The following PPP4R4 variants were observed in gnomAD, a reference collection of about 807,000 sequenced individuals.
The protein encoded by PPP4R4 is protein phosphatase 4 regulatory subunit 4.
A neutral mutation model predicts 121.8 loss-of-function variants in PPP4R4; 70 were observed. The observed-to-expected ratio is 0.57, with a 90% confidence interval of 0.47 to 0.70. The LOEUF (loss-of-function observed/expected upper bound fraction) is 0.70, where lower values mean the gene tolerates loss of function less well. Among genes scored for constraint, PPP4R4 ranks in the 30% least tolerant of loss-of-function variants. The pLI is 0.00. For missense variants in PPP4R4, 875 were observed against 1,033.6 expected, an observed-to-expected ratio of 0.85 and a Z score of 2.10; for synonymous variants, 348 against 355.7, an observed-to-expected ratio of 0.98 and a Z score of 0.24.
At chr14:94,269,521 A>C (rs1468033797) in intron 23 of PPP4R4, among the ~76,000 whole-genome samples, 2 of 152,078 alleles carry the variant, frequency 1.3e-5, no homozygotes, top group Admixed American at 6.6e-5. Flanking sequence ...TAAAAATAAA[A>C]AAAAAAAAAT....
chr14:94,220,093 G>T (rs961942014), intron 3 of PPP4R4, among the ~76,000 whole-genome samples: 1 of 152,064 alleles, frequency 6.6e-6, no homozygotes, highest in Non-Finnish European at 1.5e-5. Flanking sequence ...GTGGTGGCAG[G>T]CATCTGTAAT....
rs773340331 is a variant in PPP4R4, at chr14:94,258,836, C to G, written c.2052+12C>G. On this transcript the variant is annotated intron_variant, in intron 18 of 24. Coordinates refer to ENST00000304338, the MANE Select transcript of PPP4R4 (RefSeq NM_058237.2). ...TGTCTATGGATGCTGTAAGTATACT[C>G]TCTTTACCTTATTGTGTTGGTCCAT... 1 of 1,579,250 alleles carries G rather than the reference C, an allele frequency of 6.3e-7. No homozygotes were observed. The highest frequency in any genetic ancestry group is 8.7e-7 in the Non-Finnish European group (1 of 1,149,896).
chr14:94,253,320 C>T (rs1425304862), intron 16 of PPP4R4, among the ~76,000 whole-genome samples: 1 of 152,088 alleles, frequency 6.6e-6, no homozygotes, highest in African/African-American at 2.4e-5. Context: ...ATGAGCCGGT[C>T]GTGGTGGCAC....
intron 1 of PPP4R4, chr14:94,175,730 G>C (rs1888644596): frequency 2.8e-6 from 1 of 351,532 alleles, no homozygotes; most frequent in Admixed American, 3.9e-5. Flanking sequence ...TAAAAAGTGT[G>C]TGTATTCGTT....
chr14:94,223,808 A>C (rs975549358), intron 3 of PPP4R4, among the ~76,000 whole-genome samples: 3 of 152,212 alleles, frequency 2.0e-5, no homozygotes, highest in Non-Finnish European at 4.4e-5. Flanking sequence ...ATTTAATCTT[A>C]GAATGAGATT....
chr14:94,223,727 G>C (rs372488544), intron 3 of PPP4R4, among the ~76,000 whole-genome samples: 4 of 151,612 alleles, frequency 2.6e-5, no homozygotes, highest in African/African-American at 7.3e-5. Context: ...TTGCCAAGAG[G>C]GTTGATTAGA....
At chr14:94,216,411 C>T (rs1314165015) in intron 3 of PPP4R4, among the ~76,000 whole-genome samples, 4 of 152,226 alleles carry the variant, frequency 2.6e-5, no homozygotes, top group South Asian at 2.1e-4. Context: ...TTAGCAGTAT[C>T]AGCTAAGATT....
At chr14:94,229,511 A>G (rs1891897293) in intron 3 of PPP4R4, among the ~76,000 whole-genome samples, 2 of 152,188 alleles carry the variant, frequency 1.3e-5, no homozygotes, top group African/African-American at 4.8e-5. Context: ...TAGATATCCA[A>G]AGGTAACATA....
At chr14:94,230,351 G>A (rs4569189) in intron 3 of PPP4R4, among the ~76,000 whole-genome samples, 82,913 of 152,016 alleles carry the variant, frequency 0.55, 25,212 homozygotes, top group African/African-American at 0.82. Flanking sequence ...CAATAAAGCG[G>A]TGGCAAGTTA....
At chr14:94,180,654 A>G (rs1409751402) in intron 2 of PPP4R4, among the ~76,000 whole-genome samples, 1 of 134,974 alleles carries the variant, frequency 7.4e-6, no homozygotes. Flanking sequence ...TGTGTTTCCC[A>G]GGCTGGAGTG....
chr14:94,202,199 C>T (rs1018238605), intron 2 of PPP4R4, among the ~76,000 whole-genome samples: 6 of 151,958 alleles, frequency 3.9e-5, no homozygotes, highest in African/African-American at 1.5e-4. Context: ...ACACTGGGTA[C>T]AGTGTACACT....
intron 2 of PPP4R4, among the ~76,000 whole-genome samples, chr14:94,177,027 T>C (rs1435058197): frequency 6.6e-6 from 1 of 152,130 alleles, no homozygotes; most frequent in African/African-American, 2.4e-5. Flanking sequence ...TCCTTTCTTG[T>C]TTACAGATCA....
chr14:94,203,475 T>C (rs1028363118), intron 2 of PPP4R4, among the ~76,000 whole-genome samples: 2 of 152,196 alleles, frequency 1.3e-5, no homozygotes, highest in Non-Finnish European at 2.9e-5. Context: ...TGTTTTCATA[T>C]CTTTTTTTTG....
chr14:94,193,671 T>G (rs1307332622), intron 2 of PPP4R4, among the ~76,000 whole-genome samples: 1 of 151,842 alleles, frequency 6.6e-6, no homozygotes, highest in African/African-American at 2.4e-5. Context: ...AATAAGAAGG[T>G]TAATAGGTTA....
At chr14:94,206,627 A>C (rs1475423715) in intron 2 of PPP4R4, among the ~76,000 whole-genome samples, 1 of 151,948 alleles carries the variant, frequency 6.6e-6, no homozygotes, top group Admixed American at 6.6e-5. Flanking sequence ...TAGTGAATAA[A>C]ATTCACTGAA....
At chr14:94,176,378 A>G (rs1441682322) in intron 2 of PPP4R4, among the ~76,000 whole-genome samples, 1 of 152,178 alleles carries the variant, frequency 6.6e-6, no homozygotes, top group Non-Finnish European at 1.5e-5. Context: ...GTTGGAGTTG[A>G]ACCTCATCCT....
At chr14:94,232,439 C>T (rs1481359617) in intron 5 of PPP4R4, among the ~76,000 whole-genome samples, 1 of 152,108 alleles carries the variant, frequency 6.6e-6, no homozygotes, top group Non-Finnish European at 1.5e-5. Context: ...TGATGCCAAA[C>T]ATCTAGATGA....
chr14:94,244,713 G>T lies in PPP4R4; in HGVS notation c.1344+1G>T. ...ATTATTACAAGATGAATCACTGGAG[G>T]TAATATTTTCTTACTCTTTGATTTT... On this transcript the variant is annotated splice_donor_variant, in intron 12 of 24. Transcript: ENST00000304338. LOFTEE classifies it high-confidence loss of function. 1 of 1,489,626 alleles carries T rather than the reference G, an allele frequency of 6.7e-7. No homozygotes were observed. The highest frequency in any genetic ancestry group is 9.1e-7 in the Non-Finnish European group (1 of 1,103,886). The allele number at this position is 1,489,626 out of a possible 1,614,324, so 92.3% of individuals were successfully genotyped here.
chr14:94,270,927 AAC>A (rs1293873162), intron 23 of PPP4R4, among the ~76,000 whole-genome samples: 2 of 136,748 alleles, frequency 1.5e-5, no homozygotes, highest in Admixed American at 7.0e-5. Context: ...CAAAAAAAAA[AAC>A]AACAACAACA....
Sources: gnomAD v4.1 joint callset for allele counts (sites outside exome capture counted in the v4.1 genomes callset) on GRCh38, gnomAD v4.1.1 for gene constraint, MANE v1.5 for transcripts, NCBI Gene and HGNC (gene_info 2026-07-23, HGNC 2026-07-21) for gene names.